The following MOB3B variants were observed in gnomAD, a reference collection of about 807,000 sequenced individuals.
MOB3B encodes the protein MOB kinase activator 3B, also known as MOB kinase activator-like 2B.
In MOB3B, 7 loss-of-function variants were observed where a neutral mutation model predicts 18.7. The ratio of observed to expected loss-of-function variants is 0.37; its 90% confidence interval spans 0.21 to 0.70. MOB3B has a LOEUF of 0.70. Among genes scored for constraint, MOB3B ranks in the 30% least tolerant of loss-of-function variants. MOB3B has a pLI of 0.52. For synonymous variants in MOB3B, 111 were observed against 99.9 expected, an observed-to-expected ratio of 1.11 and a Z score of -0.66; for missense variants, 253 against 281.3, an observed-to-expected ratio of 0.90 and a Z score of 0.72.
At chr9:27,429,918 A>G (rs182043673) in intron 2 of MOB3B, among the ~76,000 whole-genome samples, 18 of 152,320 alleles carry the variant, frequency 1.2e-4, no homozygotes, top group African/African-American at 3.8e-4. Flanking sequence ...GCTGAGGGTT[A>G]GAAGATCTAA....
At chr9:27,511,216 CAA>C (rs35317203) in intron 1 of MOB3B, among the ~76,000 whole-genome samples, 11 of 145,828 alleles carry the variant, frequency 7.5e-5, no homozygotes, top group Non-Finnish European at 1.7e-4. Context: ...TCATCTTTGA[CAA>C]AAAAAAAAAG....
chr9:27,356,689 A>G (rs1378256904), intron 3 of MOB3B, among the ~76,000 whole-genome samples: 3 of 152,088 alleles, frequency 2.0e-5, no homozygotes, highest in Non-Finnish European at 4.4e-5. Flanking sequence ...TGGAGAAGTT[A>G]TTTTCCATTG....
intron 1 of MOB3B, among the ~76,000 whole-genome samples, chr9:27,527,338 G>C (rs979045873): frequency 6.6e-6 from 1 of 151,874 alleles, no homozygotes; most frequent in African/African-American, 2.4e-5. Context: ...TGTTTGTAAA[G>C]TGCCTTGCAG....
intron 1 of MOB3B, among the ~76,000 whole-genome samples, chr9:27,504,275 A>T (rs1021613391): frequency 1.3e-5 from 2 of 152,232 alleles, no homozygotes; most frequent in African/African-American, 4.8e-5. Context: ...GATTTGCACC[A>T]TGATTTTAAA....
chr9:27,421,133 C>T (rs10812590), intron 2 of MOB3B: 41,914 of 152,710 alleles, frequency 0.27, 6,088 homozygotes, highest in Middle Eastern at 0.31. Flanking sequence ...TCTTGTTGCC[C>T]AGGCTGGAGT....
chr9:27,457,730 C>T (rs1310715447), intron 1 of MOB3B, among the ~76,000 whole-genome samples: 1 of 151,982 alleles, frequency 6.6e-6, no homozygotes, highest in East Asian at 1.9e-4. Context: ...ACCTTTGACC[C>T]ACTCCCCACC....
chr9:27,492,226 A>G (rs1819830120), intron 1 of MOB3B, among the ~76,000 whole-genome samples: 1 of 152,168 alleles, frequency 6.6e-6, no homozygotes, highest in South Asian at 2.1e-4. Flanking sequence ...ATGAAGGGGG[A>G]TTACGGAAGA....
chr9:27,471,019 G>A (rs1285204839), intron 1 of MOB3B, among the ~76,000 whole-genome samples: 1 of 152,148 alleles, frequency 6.6e-6, no homozygotes, highest in East Asian at 1.9e-4. Context: ...TGAACCATCT[G>A]TCCACGGACT....
intron 3 of MOB3B, among the ~76,000 whole-genome samples, chr9:27,337,837 C>G (rs1820885374): frequency 6.6e-6 from 1 of 152,134 alleles, no homozygotes; most frequent in Non-Finnish European, 1.5e-5. Context: ...GCTGTGGAAT[C>G]AAAAGAGGCA....
At chr9:27,415,920 A>AT (rs1822139844) in intron 2 of MOB3B, among the ~76,000 whole-genome samples, 1 of 152,158 alleles carries the variant, frequency 6.6e-6, no homozygotes, top group Non-Finnish European at 1.5e-5. Flanking sequence ...GCGTGTATTT[A>AT]TTTAGTTAGT....
chr9:27,514,313 AG>A (rs1422721742), intron 1 of MOB3B, among the ~76,000 whole-genome samples: 1 of 150,292 alleles, frequency 6.7e-6, no homozygotes, highest in Admixed American at 6.7e-5. Flanking sequence ...GAGAAAATAA[AG>A]TCAACTCAAC....
intron 2 of MOB3B, among the ~76,000 whole-genome samples, chr9:27,387,405 G>T (rs900256585): frequency 2.0e-5 from 3 of 152,166 alleles, no homozygotes; most frequent in Non-Finnish European, 2.9e-5. Context: ...CAGCTTTGCT[G>T]TTTCCCTGTG....
intron 1 of MOB3B, among the ~76,000 whole-genome samples, chr9:27,467,740 A>C (rs567658056): frequency 4.4e-4 from 67 of 152,334 alleles, no homozygotes; most frequent in African/African-American, 1.5e-3. Context: ...GCCTGCTTTC[A>C]AGTGTGCTAC....
intron 1 of MOB3B, among the ~76,000 whole-genome samples, chr9:27,504,129 A>G (rs1820025786): frequency 6.6e-6 from 1 of 152,220 alleles, no homozygotes; most frequent in Non-Finnish European, 1.5e-5. Context: ...CTTTTGCTCA[A>G]CTTTAAATTC....
chr9:27,332,783 A>G (rs1009498060), intron 3 of MOB3B, among the ~76,000 whole-genome samples: 1 of 152,238 alleles, frequency 6.6e-6, no homozygotes, highest in African/African-American at 2.4e-5. Context: ...CCCTCAGGGA[A>G]GGAGAGTACC....
chr9:27,326,338 T>C lies in MOB3B; in HGVS notation c.*4249A>G, dbSNP rs781501009. On this transcript the variant is annotated 3_prime_UTR_variant, in exon 4 of 4. Transcript: ENST00000262244. Reference sequence around the variant, plus strand: ...AAGGGAAAGGAGGCTGAAGCACAACTGGTAATAGCCTTCAGATATTTAATG... The same window carrying C: ...AAGGGAAAGGAGGCTGAAGCACAACCGGTAATAGCCTTCAGATATTTAATG... 3.3e-5 allele frequency: 13 copies of C among 396,594 alleles called. No individual in the cohort carries two copies. The highest frequency in any genetic ancestry group is 5.3e-5 in the Non-Finnish European group (12 of 225,364). 24.6% of individuals were successfully genotyped at this position (396,594 alleles called of 1,614,324 possible).
rs112732727 is a variant in MOB3B, at chr9:27,393,399, A to G, written c.419-34163T>C. On this transcript the variant is annotated intron_variant, in intron 2 of 3. Transcript: ENST00000262244. ...TGTGTGTGTGTGTGTGTGTGTGTGT[A>G]ACAGAGAGAGGTAGAGAGAGGAGGA... Among the ~76,000 whole-genome samples the G allele has an allele frequency of 3.8e-3, 559 of 148,392 alleles. 3 individuals are homozygous for G. Among genetic ancestry groups the G allele is most frequent in the African/African-American group, 0.014 (540 of 39,696 alleles).
chr9:27,350,874 C>G (rs11790304), intron 3 of MOB3B, among the ~76,000 whole-genome samples: 1 of 151,658 alleles, frequency 6.6e-6, no homozygotes, highest in South Asian at 2.1e-4. Flanking sequence ...TGTACACCCC[C>G]TCTGCCCCTC....
At chr9:27,374,687 ATTTT>A (rs1821467025) in intron 2 of MOB3B, among the ~76,000 whole-genome samples, 1 of 152,122 alleles carries the variant, frequency 6.6e-6, no homozygotes. Flanking sequence ...TGGACTACAT[ATTTT>A]TAAAATGCTA....
Sources: allele counts gnomAD v4.1 joint callset (sites outside exome capture counted in the v4.1 genomes callset), GRCh38; gene constraint gnomAD v4.1.1; transcripts MANE v1.5; gene names NCBI Gene and HGNC (gene_info 2026-07-23, HGNC 2026-07-21).